Variants in GABRG2 observed in about 807,000 individuals in gnomAD.
GABRG2 encodes the protein gamma-aminobutyric acid receptor subunit gamma-2.
In GABRG2, 16 loss-of-function variants were observed where a neutral mutation model predicts 56.4. The ratio of observed to expected loss-of-function variants is 0.28; its 90% CI spans 0.19 to 0.43. The LOEUF is 0.43. GABRG2 is among the 20% of genes least tolerant of loss of function. The pLI is 1.00. For synonymous variants in GABRG2, 208 were observed against 205.5 expected (o/e 1.01, Z -0.10); for missense variants, 327 against 582.7 (o/e 0.56, Z 4.52).
At chr5:162,103,716 TG>T in intron 5 of GABRG2, 172 bp from the exon 6 acceptor site, 1 of 681,124 alleles carries the variant, frequency 1.5e-6, no homozygotes, top group Non-Finnish European at 2.5e-6. Context: ...CCCATTAGGA[TG>T]CAAAGTCATT....
chr5:162,104,108 A>C (rs1761633869), intron 6 of GABRG2, 82 bp downstream of exon 6: 2 of 1,223,502 alleles, frequency 1.6e-6, no homozygotes, highest in Non-Finnish European at 2.4e-6. Context: ...ATTTTTCAAT[A>C]CCTCTCAATG....
Position 162,133,056 on chromosome 5 carries a change from G to A in GABRG2, c.770-9108G>A, listed in dbSNP as rs148309410. 2.5e-3 allele frequency among the ~76,000 whole-genome samples: 385 copies of A among 151,862 alleles called. 1 individual carries two copies. The highest frequency in any genetic ancestry group is 8.5e-3 in the African/African-American group (354 of 41,444). The stretch of plus-strand genomic sequence containing the variant: ...TGGGTGACTGTAATAGTGTATTACT[G>A]GCTTTCATGGATGCATTAATATTAG... On this transcript the variant is annotated intron_variant, in intron 6 of 9. Transcript: ENST00000639213.
chr5:162,086,456 A>G (rs992866908), intron 1 of GABRG2, among the ~76,000 whole-genome samples: 9 of 152,056 alleles, frequency 5.9e-5, no homozygotes, highest in Non-Finnish European at 8.8e-5. Context: ...ATGAAGTATT[A>G]ATGTTATAAA....
intron 7 of GABRG2, among the ~76,000 whole-genome samples, chr5:162,146,182 A>G (rs1764935961): frequency 6.6e-6 from 1 of 152,028 alleles, no homozygotes; most frequent in African/African-American, 2.4e-5. Flanking sequence ...TCAGGAATCT[A>G]CAATAGGTCC....
Position 162,142,054 on chromosome 5 carries a change from G to A in GABRG2, c.770-110G>A. 3 of 1,373,892 alleles carry A rather than the reference G, an allele frequency of 2.2e-6. No homozygotes were observed. In the South Asian group the frequency reaches 3.5e-5, roughly 16 times the overall value. The allele number at this position is 1,373,892 out of a possible 1,614,324, so 85.1% of individuals were successfully genotyped here. The stretch of plus-strand genomic sequence containing the variant: ...AATAGTTTTCAACATACCACTTGTA[G>A]AAAACTCTTAATTTAAATGTGTGTG... On this transcript the variant is annotated intron_variant, in intron 6 of 9. Transcript: ENST00000639213.
chr5:162,089,837 C>G (rs116411650), intron 1 of GABRG2, among the ~76,000 whole-genome samples: 1 of 152,078 alleles, frequency 6.6e-6, no homozygotes, highest in Non-Finnish European at 1.5e-5. Flanking sequence ...TTTTCCTCCT[C>G]TACCCCTAAA....
At position 162,113,824 on chromosome 5, in the gene GABRG2, G is replaced by T. The variant is rs373861754; in HGVS notation, c.769+9798G>T. 3.3e-5 allele frequency among the ~76,000 whole-genome samples: 5 copies of T among 152,276 alleles called. No individual in the cohort carries two copies. In the South Asian group the frequency reaches 8.3e-4, roughly 25 times the overall value. On this transcript the variant is annotated intron_variant, in intron 6 of 9. Transcript: ENST00000639213. ...GCAATCATGGACACCAATTGTAATC[G>T]CCTACTGATCACATTTCCTTATGGG...
Position 162,149,085 on chromosome 5 carries a change from T to C in GABRG2, c.923-23T>C, listed in dbSNP as rs373413302. On this transcript the variant is annotated intron_variant, in intron 7 of 9. Coordinates refer to ENST00000639213, the MANE Select transcript of GABRG2 (RefSeq NM_198904.4). ...AACTTGCTTATGCAATCACATGACC[T>C]GTATTATTACACCTCTCTTCAGGTA... 2.9e-4 allele frequency: 460 copies of C among 1,610,754 alleles called. 1 individual carries two copies. The highest frequency in any genetic ancestry group is 5.0e-4 in the Admixed American group (30 of 59,978).
chr5:162,132,277 G>A (rs978751004), intron 6 of GABRG2, among the ~76,000 whole-genome samples: 5 of 151,926 alleles, frequency 3.3e-5, no homozygotes, highest in Non-Finnish European at 7.4e-5. Flanking sequence ...AATTTTTAAG[G>A]AGAACAAGAT....
At chr5:162,129,572 A>C (rs564952273) in intron 6 of GABRG2, among the ~76,000 whole-genome samples, 2 of 151,976 alleles carry the variant, frequency 1.3e-5, no homozygotes, top group Non-Finnish European at 2.9e-5. Flanking sequence ...CATTTATTTA[A>C]TCCATTCAAC....
chr5:162,090,256 A>T (rs431201), intron 1 of GABRG2, among the ~76,000 whole-genome samples: 1 of 151,982 alleles, frequency 6.6e-6, no homozygotes, highest in Admixed American at 6.6e-5. Flanking sequence ...ACACATACAC[A>T]TACACGTACA....
At chr5:162,144,734 T>C (rs1764831350) in intron 7 of GABRG2, among the ~76,000 whole-genome samples, 1 of 152,200 alleles carries the variant, frequency 6.6e-6, no homozygotes, top group Non-Finnish European at 1.5e-5. Flanking sequence ...AGGTTTGCTC[T>C]GGGTAGGAGG....
Position 162,149,272 on chromosome 5 carries a change from C to CGGA in GABRG2, c.1088_1090dup (p.Arg363dup). The CGGA allele has an allele frequency of 6.2e-7, 1 of 1,614,016 alleles. No individual in the cohort carries two copies. The highest frequency in any genetic ancestry group is 1.7e-5 in the Admixed American group (1 of 59,986). ...CACCTTGCATTATTTTGTCAGCAAC[C>CGGA]GGAAACCAAGCAAGGACAAAGATAA... On this transcript the variant is annotated inframe_insertion, in exon 8 of 10. Coordinates refer to ENST00000639213, the MANE Select transcript of GABRG2 (RefSeq NM_198904.4).
intron 1 of GABRG2, among the ~76,000 whole-genome samples, chr5:162,085,438 C>T (rs1239865399): frequency 1.3e-5 from 2 of 151,870 alleles, no homozygotes; most frequent in East Asian, 3.9e-4. Flanking sequence ...CACAATTTAA[C>T]ATGCATATTT....
chr5:162,136,645 G>T (rs1013341749), intron 6 of GABRG2, among the ~76,000 whole-genome samples: 2 of 152,110 alleles, frequency 1.3e-5, no homozygotes, highest in Non-Finnish European at 2.9e-5. Flanking sequence ...AGGGCTCAGA[G>T]GACACAAATA....
chr5:162,090,217 G>T (rs1202155177), intron 1 of GABRG2, among the ~76,000 whole-genome samples: 1 of 151,810 alleles, frequency 6.6e-6, no homozygotes, highest in Admixed American at 6.6e-5. Context: ...AGGAACGTGA[G>T]AATTTTTATT....
intron 3 of GABRG2, 114 bp downstream of exon 3, chr5:162,095,676 G>A (rs1760948229): frequency 1.4e-6 from 1 of 723,230 alleles, no homozygotes; most frequent in South Asian, 1.6e-5. Context: ...TAAAACTTTA[G>A]AAGTGAAAGA....
At chr5:162,095,764 C>A (rs575347589) in intron 3 of GABRG2, among the ~76,000 whole-genome samples, 2 of 151,784 alleles carry the variant, frequency 1.3e-5, no homozygotes, top group Non-Finnish European at 2.9e-5. Context: ...TAAATGGGAC[C>A]ATATATATAA....
chr5:162,117,864 G>A (rs1388313808), intron 6 of GABRG2, among the ~76,000 whole-genome samples: 1 of 152,092 alleles, frequency 6.6e-6, no homozygotes, highest in Non-Finnish European at 1.5e-5. Context: ...AGTAGTGTTG[G>A]TAATGATATG....
Sources: allele counts gnomAD v4.1 joint callset (sites outside exome capture counted in the v4.1 genomes callset), GRCh38; gene constraint gnomAD v4.1.1; transcripts MANE v1.5; gene names NCBI Gene and HGNC (gene_info 2026-07-23, HGNC 2026-07-21).